RORA: variants seen among roughly 807,000 people sequenced by gnomAD.
RORA encodes RAR related orphan receptor A, also known as nuclear receptor ROR-alpha.
Under a neutral mutation model 69.5 loss-of-function variants are expected in RORA, and 7 were observed. That is an observed-to-expected ratio of 0.10 (90% CI 0.06 to 0.19). The LOEUF (loss-of-function observed/expected upper bound fraction) is 0.19, where lower values mean the gene tolerates loss of function less well. Among genes scored for constraint, RORA ranks in the 10% least tolerant of loss-of-function variants. The pLI, the probability that RORA is intolerant of heterozygous loss-of-function variation, is 1.00. For missense variants in RORA, 457 were observed against 663.0 expected, an observed-to-expected ratio of 0.69 and a Z score of 3.41; for synonymous variants, 261 against 240.8, an observed-to-expected ratio of 1.08 and a Z score of -0.78.
At chr15:60,515,727 T>C (rs2065844458) in intron 3 of RORA, among the ~76,000 whole-genome samples, 1 of 146,668 alleles carries the variant, frequency 6.8e-6, no homozygotes, top group Non-Finnish European at 1.5e-5. Flanking sequence ...ATTTCTTAAT[T>C]TCCAAACACA....
At chr15:61,106,191 T>C (rs577897211) in intron 1 of RORA, among the ~76,000 whole-genome samples, 1 of 152,224 alleles carries the variant, frequency 6.6e-6, no homozygotes, top group Non-Finnish European at 1.5e-5. Flanking sequence ...AGAAAGAGTT[T>C]AGGCAGCATC....
rs577671617 is a variant in RORA, at chr15:61,089,588, G to A, written c.166+139465C>T. Among the ~76,000 whole-genome samples the A allele has an allele frequency of 2.0e-5, 3 of 152,252 alleles. No homozygotes were observed. In the South Asian group the frequency reaches 6.2e-4, roughly 32 times the overall value. On this transcript the variant is annotated intron_variant, in intron 1 of 10. Coordinates refer to ENST00000335670, the MANE Select transcript of RORA (RefSeq NM_134261.3). ...CCATCCTTGGAGATCACTTCTAAAA[G>A]GTCTCTAGACAGAAGATCCTGAACC...
At chr15:60,956,495 G>C (rs1485117722) in intron 1 of RORA, among the ~76,000 whole-genome samples, 1 of 152,162 alleles carries the variant, frequency 6.6e-6, no homozygotes, top group African/African-American at 2.4e-5. Flanking sequence ...AGGAAGTATA[G>C]CAGAATGGGA....
intron 1 of RORA, among the ~76,000 whole-genome samples, chr15:60,784,618 T>C (rs1454111110): frequency 6.6e-6 from 1 of 152,242 alleles, no homozygotes; most frequent in Non-Finnish European, 1.5e-5. Flanking sequence ...TAGTTGGATG[T>C]ACAATATGGG....
In RORA at chr15:60,932,631, G is replaced by A. The variant is rs560999550; in HGVS notation, c.167-253945C>T. On this transcript the variant is annotated intron_variant, in intron 1 of 10. Coordinates refer to ENST00000335670, the MANE Select transcript of RORA (RefSeq NM_134261.3). ...CCTTCAGATCTTGCAAGCTACCAGC[G>A]ATTTGGCGGGGTGGGTAACTGGTTG... Among the ~76,000 whole-genome samples, 4 of 152,290 alleles carry A rather than the reference G, an allele frequency of 2.6e-5. No homozygotes were observed. In the East Asian group the frequency reaches 5.8e-4, roughly 22 times the overall value.
intron 1 of RORA, among the ~76,000 whole-genome samples, chr15:61,007,336 T>G (rs1386062719): frequency 6.6e-6 from 1 of 152,202 alleles, no homozygotes; most frequent in South Asian, 2.1e-4. Flanking sequence ...ACCATTTATA[T>G]GATACGGACT....
chr15:60,657,331 C>A (rs1324379523), intron 2 of RORA, among the ~76,000 whole-genome samples: 1 of 152,140 alleles, frequency 6.6e-6, no homozygotes, highest in African/African-American at 2.4e-5. Context: ...TGCCAATACC[C>A]CCCTGCCCCA....
chr15:61,167,482 A>ATTTTTT (rs199752865), intron 1 of RORA, among the ~76,000 whole-genome samples: 105 of 133,658 alleles, frequency 7.9e-4, no homozygotes, highest in Non-Finnish European at 1.2e-3. Context: ...TTTGACCAGG[A>ATTTTTT]TTTTTTTTTT....
intron 1 of RORA, among the ~76,000 whole-genome samples, chr15:60,943,678 G>C (rs1437793082): frequency 6.6e-6 from 1 of 152,002 alleles, no homozygotes; most frequent in Non-Finnish European, 1.5e-5. Flanking sequence ...CACTTTGGGA[G>C]GCTGAGGTGG....
chr15:60,987,580 T>C (rs1894244202), intron 1 of RORA, among the ~76,000 whole-genome samples: 1 of 152,148 alleles, frequency 6.6e-6, no homozygotes, highest in Non-Finnish European at 1.5e-5. Context: ...ACCAAAAACC[T>C]GAGACTTATA....
chr15:61,086,912 C>T (rs1035718267), intron 1 of RORA, among the ~76,000 whole-genome samples: 4 of 152,146 alleles, frequency 2.6e-5, no homozygotes. Context: ...GTGGTTCACG[C>T]CTGGAATCTC....
intron 1 of RORA, among the ~76,000 whole-genome samples, chr15:60,798,536 A>G (rs1354663560): frequency 4.6e-5 from 7 of 151,904 alleles, no homozygotes; most frequent in Non-Finnish European, 1.0e-4. Context: ...GCAGCAAGGT[A>G]CCCTAAGCAA....
In RORA at chr15:60,788,427, G is replaced by A. The variant is rs536014340; in HGVS notation, c.167-109741C>T. ...ACGCACAGCTCAAGACATTTTAGTG[G>A]GAAGTTAAGGGTTCCAAACTCCCCT... On this transcript the variant is annotated intron_variant, in intron 1 of 10. Coordinates refer to ENST00000335670, the MANE Select transcript of RORA (RefSeq NM_134261.3). 1.1e-3 allele frequency among the ~76,000 whole-genome samples: 162 copies of A among 152,262 alleles called. 1 individual carries two copies. Among genetic ancestry groups the A allele is most frequent in the African/African-American group, 2.8e-3 (116 of 41,554 alleles).
At chr15:60,825,097 C>A (rs2072939299) in intron 1 of RORA, among the ~76,000 whole-genome samples, 1 of 152,178 alleles carries the variant, frequency 6.6e-6, no homozygotes, top group African/African-American at 2.4e-5. Context: ...TAATTTGAAT[C>A]AGTTGCTATC....
chr15:60,978,674 A>G (rs11071578), intron 1 of RORA, among the ~76,000 whole-genome samples: 32,233 of 152,022 alleles, frequency 0.21, 3,589 homozygotes, highest in African/African-American at 0.26. Flanking sequence ...TAAATCTTTC[A>G]TCTATTTTGA....
intron 1 of RORA, among the ~76,000 whole-genome samples, chr15:60,863,629 A>G (rs185771774): frequency 2.3e-3 from 352 of 152,322 alleles, no homozygotes; most frequent in Admixed American, 3.9e-3. Flanking sequence ...AAATAGGCAT[A>G]ATACTGCCAT....
At chr15:60,718,596 A>G (rs925248870) in intron 1 of RORA, among the ~76,000 whole-genome samples, 1 of 152,226 alleles carries the variant, frequency 6.6e-6, no homozygotes, top group East Asian at 1.9e-4. Flanking sequence ...CAAAATTGTC[A>G]CCATGTTGCA....
At chr15:61,171,027 G>A (rs950960531) in intron 1 of RORA, among the ~76,000 whole-genome samples, 2 of 152,204 alleles carry the variant, frequency 1.3e-5, no homozygotes, top group Non-Finnish European at 2.9e-5. Flanking sequence ...TGGTCAGATT[G>A]TTCAGCTGGT....
Position 61,182,608 on chromosome 15 carries a change from G to A in RORA, c.166+46445C>T, listed in dbSNP as rs149372069. On this transcript the variant is annotated intron_variant, in intron 1 of 10. Coordinates refer to ENST00000335670, the MANE Select transcript of RORA (RefSeq NM_134261.3). The stretch of plus-strand genomic sequence containing the variant: ...ATGAACCATGACAAAGGCTTGAAAA[G>A]GAGCTTGTGGTAAGTTTAAGGAGAA... Among the ~76,000 whole-genome samples, 583 of 152,298 alleles carry A rather than the reference G, an allele frequency of 3.8e-3. 2 individuals carry two copies. Among genetic ancestry groups the A allele is most frequent in the African/African-American group, 0.014 (563 of 41,554 alleles).
Sources: allele counts gnomAD v4.1 joint callset (sites outside exome capture counted in the v4.1 genomes callset), GRCh38; gene constraint gnomAD v4.1.1; transcripts MANE v1.5; gene names NCBI Gene and HGNC (gene_info 2026-07-23, HGNC 2026-07-21).